Variants in TMEM144 observed in about 807,000 individuals in gnomAD.
TMEM144 encodes the protein transmembrane protein 144.
A neutral mutation model predicts 43.6 loss-of-function variants in TMEM144; 39 were observed. That is an observed-to-expected ratio of 0.90 (90% confidence interval 0.69 to 1.17). TMEM144 has a LOEUF of 1.17. Ranked by LOEUF, TMEM144 falls within the 50% of genes most tolerant of loss-of-function variation. TMEM144 has a pLI of 0.00. For missense variants in TMEM144, 417 were observed against 411.9 expected, an observed-to-expected ratio of 1.01 and a Z score of -0.11; for synonymous variants, 154 against 133.6, an observed-to-expected ratio of 1.15 and a Z score of -1.06.
At chr4:158,229,362 T>A (rs921002524) in intron 6 of TMEM144, among the ~76,000 whole-genome samples, 1 of 152,186 alleles carries the variant, frequency 6.6e-6, no homozygotes, top group Non-Finnish European at 1.5e-5. Flanking sequence ...CAAAGATGGA[T>A]GCCTTCTTCT....
rs1448977121 is a variant in TMEM144, at chr4:158,210,545, G to C, written c.-224G>C. The C allele has an allele frequency of 6.6e-6, 1 of 152,318 alleles. No homozygotes were observed. The highest frequency in any genetic ancestry group is 1.5e-5 in the Non-Finnish European group (1 of 68,106). The allele number at this position is 152,318 out of a possible 1,614,324, so 9.4% of individuals were successfully genotyped here. A position where few individuals can be genotyped will look rare whatever the true frequency, so the allele number is the denominator to read the frequency against. The stretch of plus-strand genomic sequence containing the variant: ...GGCACGTAGTGGGCGGATCGCGCCG[G>C]CGCTGAGTAGGAAGGAGCTTCAGCC... On this transcript the variant is annotated 5_prime_UTR_variant, in exon 1 of 13. Coordinates refer to ENST00000296529, the MANE Select transcript of TMEM144 (RefSeq NM_018342.5).
chr4:158,218,489 C>T (rs1734346274), intron 5 of TMEM144, among the ~76,000 whole-genome samples: 2 of 152,156 alleles, frequency 1.3e-5, no homozygotes, highest in African/African-American at 4.8e-5. Context: ...CCCCCATTCC[C>T]CACCTCCTGC....
intron 11 of TMEM144, among the ~76,000 whole-genome samples, chr4:158,242,309 T>A (rs1404107419): frequency 6.6e-6 from 1 of 152,206 alleles, no homozygotes; most frequent in Non-Finnish European, 1.5e-5. Flanking sequence ...TCCCTATTGC[T>A]ACCAGGCCCT....
intron 6 of TMEM144, among the ~76,000 whole-genome samples, chr4:158,232,257 G>GT (rs1735118886): frequency 6.6e-6 from 1 of 152,226 alleles, no homozygotes; most frequent in African/African-American, 2.4e-5. Context: ...TTAAATGTAT[G>GT]TTTTTATCTC....
At chr4:158,214,280 G>C (rs918527573) in intron 3 of TMEM144, among the ~76,000 whole-genome samples, 2 of 151,998 alleles carry the variant, frequency 1.3e-5, no homozygotes, top group Non-Finnish European at 2.9e-5. Flanking sequence ...CACCTACTTT[G>C]GCCTCCCAAA....
chr4:158,253,488 C>T lies in TMEM144; in HGVS notation c.999C>T (p.Ile333=), dbSNP rs1364472283. Residue 333 remains isoleucine, a synonymous_variant, in exon 13 of 13, where the codon ATC becomes ATT. Coordinates refer to ENST00000296529, the MANE Select transcript of TMEM144 (RefSeq NM_018342.5). The part of the protein sequence containing the change: ...YLLMILAFCI[I]LTGALCTAFS... Reference sequence around the variant, plus strand: ...TAATGATACTTGCATTTTGCATCATCTTGACTGGAGCCTTATGCACTGCTT... The same window carrying T: ...TAATGATACTTGCATTTTGCATCATTTTGACTGGAGCCTTATGCACTGCTT... 3.2e-5 allele frequency: 52 copies of T among 1,613,744 alleles called. No homozygotes were observed. Among genetic ancestry groups the T allele is most frequent in the Non-Finnish European group, 4.4e-5 (52 of 1,179,882 alleles).
In TMEM144 at chr4:158,248,193, C is replaced by G. The variant is rs111917745; in HGVS notation, c.954+3844C>G. On this transcript the variant is annotated intron_variant, in intron 12 of 12. Transcript: ENST00000296529. ...TATGCCTGTAGTCCCAGCACTTTGG[C>G]AAGCCAAGGTGGCCAGATCACTTGA... is the stretch of plus-strand genomic sequence containing the variant. 5.5e-3 allele frequency among the ~76,000 whole-genome samples: 828 copies of G among 149,686 alleles called. 10 individuals are homozygous for G. The highest frequency in any genetic ancestry group is 0.02 in the African/African-American group (793 of 40,646).
rs1736358734 is a variant in TMEM144 at position 158,254,199 on chromosome 4, T to C, written c.*672T>C. 6.6e-6 allele frequency: 1 copy of C among 152,250 alleles called. No individual in the cohort carries two copies. Among genetic ancestry groups the C allele is most frequent in the African/African-American group, 2.4e-5 (1 of 41,446 alleles). The allele number at this position is 152,250 out of a possible 1,614,324, so 9.4% of individuals were successfully genotyped here. On this transcript the variant is annotated 3_prime_UTR_variant, in exon 13 of 13. Coordinates refer to ENST00000296529, the MANE Select transcript of TMEM144 (RefSeq NM_018342.5). ...TTTTTCATCATTGAGAAAATGTGCA[T>C]AACATAATACATACATACACAAGTA... is the stretch of plus-strand genomic sequence containing the variant.
At chr4:158,250,931 G>C (rs1736170321) in intron 12 of TMEM144, among the ~76,000 whole-genome samples, 1 of 152,070 alleles carries the variant, frequency 6.6e-6, no homozygotes, top group Non-Finnish European at 1.5e-5. Flanking sequence ...TAACCTGTTG[G>C]ACCTCAGTGG....
At chr4:158,242,989 C>G (rs1735703948) in intron 11 of TMEM144, among the ~76,000 whole-genome samples, 1 of 152,210 alleles carries the variant, frequency 6.6e-6, no homozygotes, top group Admixed American at 6.5e-5. Context: ...AACCACACTA[C>G]TCACGATAAC....
At chr4:158,247,788 A>C (rs1309286037) in intron 12 of TMEM144, among the ~76,000 whole-genome samples, 2 of 152,068 alleles carry the variant, frequency 1.3e-5, no homozygotes, top group Non-Finnish European at 2.9e-5. Flanking sequence ...TTTCTGATGG[A>C]ACATCTCGCT....
rs77964339 is a variant in TMEM144, at chr4:158,249,460, T to G, written c.955-3984T>G. On this transcript the variant is annotated intron_variant, in intron 12 of 12. Transcript: ENST00000296529. ...TTCTGCTTTGGGAAGAATGTTAGTG[T>G]GCTCTTTCCAAGAGTTAACATCCAC... Among the ~76,000 whole-genome samples, 446 of 152,300 alleles carry G rather than the reference T, an allele frequency of 2.9e-3. 1 individual carries two copies. Among genetic ancestry groups the G allele is most frequent in the Non-Finnish European group, 5.2e-3 (351 of 68,014 alleles).
At chr4:158,240,053 T>A (rs562458793) in intron 9 of TMEM144, among the ~76,000 whole-genome samples, 1 of 152,090 alleles carries the variant, frequency 6.6e-6, no homozygotes, top group South Asian at 2.1e-4. Context: ...ACCTGGCTAA[T>A]TTTTTGTATT....
At chr4:158,216,300 T>C (rs1560820441) in intron 4 of TMEM144, among the ~76,000 whole-genome samples, 1 of 152,154 alleles carries the variant, frequency 6.6e-6, no homozygotes, top group East Asian at 1.9e-4. Flanking sequence ...TGCTATAGGT[T>C]GGAGCAACTG....
chr4:158,224,063 G>T (rs1022217248), intron 6 of TMEM144, among the ~76,000 whole-genome samples: 18 of 152,044 alleles, frequency 1.2e-4, no homozygotes, highest in African/African-American at 4.3e-4. Context: ...CCACAGCTTC[G>T]CCAGCATCTA....
chr4:158,222,221 T>TG (rs1734544323), intron 6 of TMEM144, among the ~76,000 whole-genome samples: 2 of 152,224 alleles, frequency 1.3e-5, no homozygotes, highest in South Asian at 4.1e-4. Flanking sequence ...TATGGATAGT[T>TG]GATATCTGCC....
chr4:158,240,400 C>A lies in TMEM144; in HGVS notation c.784C>A (p.Pro262Thr), dbSNP rs749990112. Residue 262 changes from proline (P) to threonine (T), a missense_variant, in exon 10 of 13, where the codon CCT (proline) becomes ACT (threonine). Pro to Thr is a conservative substitution (Grantham distance 38). Transcript: ENST00000296529. Reference protein sequence around the residue: ...IAMKNSPKLYPEAVLPGFLSG... With the variant: ...IAMKNSPKLYTEAVLPGFLSG... ...CATGAAAAATAGTCCTAAACTATATCCTGAAGCAGTCCTACCAGGTAAGAA... is the reference window on the plus strand; with the variant it reads ...CATGAAAAATAGTCCTAAACTATATACTGAAGCAGTCCTACCAGGTAAGAA... The A allele has an allele frequency of 6.2e-7, 1 of 1,612,118 alleles. No homozygotes were observed. Among genetic ancestry groups the A allele is most frequent in the Admixed American group, 1.7e-5 (1 of 59,552 alleles).
chr4:158,250,684 G>C (rs1736157362), intron 12 of TMEM144, among the ~76,000 whole-genome samples: 1 of 152,158 alleles, frequency 6.6e-6, no homozygotes, highest in African/African-American at 2.4e-5. Context: ...ACTTTGCATG[G>C]CCTGGCTGTA....
At chr4:158,245,271 T>TGTGTGTGTGTG (rs1553966896) in intron 12 of TMEM144, among the ~76,000 whole-genome samples, 1 of 145,776 alleles carries the variant, frequency 6.9e-6, no homozygotes, top group East Asian at 2.0e-4. Flanking sequence ...TGTATGTATG[T>TGTGTGTGTGTG]TTTCTTTAAA....
Sources: gnomAD v4.1 joint callset for allele counts (sites outside exome capture counted in the v4.1 genomes callset) on GRCh38, gnomAD v4.1.1 for gene constraint, MANE v1.5 for transcripts, NCBI Gene and HGNC (gene_info 2026-07-23, HGNC 2026-07-21) for gene names.